The following SNTG2 variants were observed in gnomAD, a reference collection of about 807,000 sequenced individuals.
The protein encoded by SNTG2 is gamma-2-syntrophin.
SNTG2 carries 74 observed loss-of-function variants against 70.9 expected under a neutral mutation model. The ratio of observed to expected loss-of-function variants is 1.04; its 90% CI spans 0.86 to 1.27. SNTG2 has a LOEUF of 1.27. SNTG2 is among the 50% of genes most tolerant of loss of function. The pLI, the probability that SNTG2 is intolerant of heterozygous loss-of-function variation, is 0.00. For synonymous variants in SNTG2, 278 were observed against 273.8 expected, an observed-to-expected ratio of 1.02 and a Z score of -0.15; for missense variants, 717 against 690.7, an observed-to-expected ratio of 1.04 and a Z score of -0.43.
At chr2:1,112,426 CACTT>C (rs1220345300) in intron 4 of SNTG2, among the ~76,000 whole-genome samples, 1 of 150,942 alleles carries the variant, frequency 6.6e-6, no homozygotes, top group Non-Finnish European at 1.5e-5. Flanking sequence ...TGAGGTTTAA[CACTT>C]ACAGTTCATT....
intron 6 of SNTG2, among the ~76,000 whole-genome samples, chr2:1,151,483 A>G (rs1382985445): frequency 1.3e-5 from 2 of 152,120 alleles, no homozygotes; most frequent in Non-Finnish European, 2.9e-5. Context: ...TTCCAAACCC[A>G]GCCTCGCTCT....
At chr2:1,127,261 A>T (rs755168564) in intron 4 of SNTG2, among the ~76,000 whole-genome samples, 9 of 151,976 alleles carry the variant, frequency 5.9e-5, no homozygotes, top group Non-Finnish European at 1.2e-4. Flanking sequence ...AAAAAAAAAA[A>T]TCAGTTGTCT....
At chr2:1,066,714 A>G (rs1663178439) in intron 1 of SNTG2, among the ~76,000 whole-genome samples, 1 of 151,824 alleles carries the variant, frequency 6.6e-6, no homozygotes, top group African/African-American at 2.4e-5. Flanking sequence ...CTTCAAAACG[A>G]CGATTTTTTT....
chr2:1,158,795 CGTG>C lies in SNTG2; in HGVS notation c.412-6750_412-6748del, dbSNP rs1460568324. 4.6e-5 allele frequency among the ~76,000 whole-genome samples: 7 copies of C among 152,230 alleles called. No homozygotes were observed. The East Asian group carries it at 1.4e-3, about 29-fold the overall frequency. On this transcript the variant is annotated intron_variant, in intron 6 of 16. Coordinates refer to ENST00000308624, the MANE Select transcript of SNTG2 (RefSeq NM_018968.4). ...AAGAGAGAGCGCTGTCGTTGCCAATCGTGGTAAGTCTCCATAGGGCTGCAGTGT... is the reference window on the plus strand; with the variant it reads ...AAGAGAGAGCGCTGTCGTTGCCAATCGTAAGTCTCCATAGGGCTGCAGTGT...
At chr2:1,362,041 G>A (rs1201536114) in intron 16 of SNTG2, among the ~76,000 whole-genome samples, 2 of 152,112 alleles carry the variant, frequency 1.3e-5, no homozygotes, top group Non-Finnish European at 2.9e-5. Flanking sequence ...TTGATGCTGA[G>A]CATTTCAGTA....
intron 14 of SNTG2, among the ~76,000 whole-genome samples, chr2:1,302,227 G>T (rs893635890): frequency 6.6e-6 from 1 of 152,112 alleles, no homozygotes; most frequent in Non-Finnish European, 1.5e-5. Flanking sequence ...CCAAGGTGCT[G>T]GGATTACAGG....
At chr2:1,365,267 G>T (rs545409329) in intron 16 of SNTG2, among the ~76,000 whole-genome samples, 3 of 152,148 alleles carry the variant, frequency 2.0e-5, no homozygotes, top group African/African-American at 7.2e-5. Flanking sequence ...GTGTAATGAC[G>T]CTTTATGAAA....
intron 14 of SNTG2, among the ~76,000 whole-genome samples, chr2:1,299,146 G>A (rs1380494127): frequency 2.6e-5 from 4 of 152,118 alleles, no homozygotes; most frequent in Non-Finnish European, 5.9e-5. Flanking sequence ...GCGCAACATC[G>A]GGAGCCAACA....
chr2:1,087,321 A>G (rs1254247839), intron 2 of SNTG2, among the ~76,000 whole-genome samples: 2 of 152,152 alleles, frequency 1.3e-5, no homozygotes, highest in South Asian at 4.1e-4. Context: ...TTCGTGTAGC[A>G]TGGCTGTTCT....
chr2:1,251,072 A>G (rs901884813), intron 12 of SNTG2, among the ~76,000 whole-genome samples: 2 of 152,204 alleles, frequency 1.3e-5, no homozygotes, highest in Admixed American at 1.3e-4. Flanking sequence ...AGGCCTCGCT[A>G]TTCCTTGTAA....
chr2:1,210,977 G>C (rs7579663), intron 9 of SNTG2, among the ~76,000 whole-genome samples: 27,657 of 152,020 alleles, frequency 0.18, 4,984 homozygotes, highest in African/African-American at 0.47. Flanking sequence ...TAATGACACA[G>C]CTCTCAGAAT....
intron 16 of SNTG2, among the ~76,000 whole-genome samples, chr2:1,367,118 G>A (rs553022020): frequency 2.6e-5 from 4 of 152,136 alleles, no homozygotes; most frequent in South Asian, 2.1e-4. Context: ...CATTCTCAGC[G>A]TTGTAATAAA....
intron 2 of SNTG2, among the ~76,000 whole-genome samples, chr2:1,086,800 G>C (rs1232403292): frequency 6.6e-6 from 1 of 151,988 alleles, no homozygotes; most frequent in African/African-American, 2.4e-5. Context: ...ATATGAAAAA[G>C]GAACAAGGGG....
intron 14 of SNTG2, among the ~76,000 whole-genome samples, chr2:1,275,936 C>G (rs1215611559): frequency 4.6e-5 from 7 of 152,196 alleles, no homozygotes; most frequent in African/African-American, 1.7e-4. Flanking sequence ...TGAACAAGAT[C>G]AACGTGCTGA....
chr2:1,044,826 A>G (rs772595984), intron 1 of SNTG2, among the ~76,000 whole-genome samples: 2 of 151,988 alleles, frequency 1.3e-5, no homozygotes, highest in African/African-American at 4.8e-5. Flanking sequence ...ATCTGTGTTT[A>G]TCAGGGATAT....
chr2:952,175 A>G (rs1016882266), intron 1 of SNTG2, among the ~76,000 whole-genome samples: 2 of 152,226 alleles, frequency 1.3e-5, no homozygotes, highest in Admixed American at 1.3e-4. Context: ...TGTAATATGA[A>G]TAGCTATCCC....
chr2:1,049,232 A>G (rs2148074551), intron 1 of SNTG2, among the ~76,000 whole-genome samples: 1 of 152,242 alleles, frequency 6.6e-6, no homozygotes. Context: ...GTCTGGACAA[A>G]TCTGTAATGA....
chr2:1,070,142 C>G (rs576801825), intron 1 of SNTG2, among the ~76,000 whole-genome samples: 3 of 151,708 alleles, frequency 2.0e-5, no homozygotes, highest in South Asian at 2.1e-4. Context: ...GTCTGAGGGG[C>G]GGGGGATGGG....
At chr2:1,210,957 C>T (rs1674000633) in intron 9 of SNTG2, among the ~76,000 whole-genome samples, 1 of 152,124 alleles carries the variant, frequency 6.6e-6, no homozygotes, top group Non-Finnish European at 1.5e-5. Context: ...AACACAATGA[C>T]AAAATCACCT....
Sources: allele counts gnomAD v4.1 joint callset (sites outside exome capture counted in the v4.1 genomes callset), GRCh38; gene constraint gnomAD v4.1.1; transcripts MANE v1.5; gene names NCBI Gene and HGNC (gene_info 2026-07-23, HGNC 2026-07-21).